Variants in ZNF518A observed in about 807,000 individuals in gnomAD.
ZNF518A encodes zinc finger protein 518.
In ZNF518A, 47 loss-of-function variants were observed where a neutral mutation model predicts 102.7. The ratio of observed to expected loss-of-function variants is 0.46; its 90% CI spans 0.36 to 0.58. ZNF518A has a LOEUF of 0.58. Ranked by LOEUF, ZNF518A falls within the 20% of genes least tolerant of loss-of-function variation. The pLI, the probability that ZNF518A is intolerant of heterozygous loss-of-function variation, is 0.00. For synonymous variants in ZNF518A, 652 were observed against 594.6 expected, an observed-to-expected ratio of 1.10 and a Z score of -1.40; for missense variants, 1,793 against 1,699.8, an observed-to-expected ratio of 1.05 and a Z score of -0.96.
chr10:96,151,372 G>A (rs1564760760), intron 3 of ZNF518A: 1 of 152,250 alleles, frequency 6.6e-6, no homozygotes, highest in African/African-American at 2.4e-5. Flanking sequence ...AGGAAGATTC[G>A]TCTTTGTTCA....
chr10:96,154,250 C>A (rs1259459835), intron 3 of ZNF518A, among the ~76,000 whole-genome samples: 1 of 152,164 alleles, frequency 6.6e-6, no homozygotes, highest in Non-Finnish European at 1.5e-5. Context: ...GGGAGGATCA[C>A]CTGAGCCTGG....
chr10:96,133,955 C>T (rs2081469335), intron 3 of ZNF518A, among the ~76,000 whole-genome samples: 1 of 152,176 alleles, frequency 6.6e-6, no homozygotes. Context: ...TGACTTCCTA[C>T]CACGAGATTC....
upstream of ZNF518A, chr10:96,129,941 G>A (rs2081235007): frequency 6.5e-6 from 1 of 152,700 alleles, no homozygotes; most frequent in Non-Finnish European, 1.5e-5. Context: ...GCCTAGTCTC[G>A]TCAGACCGAG....
chr10:96,182,158 G>T (rs1305537728), intron 1 of ZNF518A, among the ~76,000 whole-genome samples: 2 of 152,192 alleles, frequency 1.3e-5, no homozygotes, highest in African/African-American at 4.8e-5. Context: ...AGGAATGCTT[G>T]TGATTTTTGC....
chr10:96,177,553 A>G (rs587760124), intron 1 of ZNF518A, among the ~76,000 whole-genome samples: 1 of 152,346 alleles, frequency 6.6e-6, no homozygotes, highest in South Asian at 2.1e-4. Flanking sequence ...TGACAACAGT[A>G]GCACAAAGGC....
chr10:96,158,241 A>G lies in ZNF518A; in HGVS notation c.1919A>G (p.His640Arg). The G allele has an allele frequency of 6.2e-7, 1 of 1,613,714 alleles. No homozygotes were observed. Among genetic ancestry groups the G allele is most frequent in the Non-Finnish European group, 8.5e-7 (1 of 1,179,720 alleles). ...ESSNQGSLPFHNYSKVNNSNK... is the reference protein window; with the variant it reads ...ESSNQGSLPFRNYSKVNNSNK... The stretch of plus-strand genomic sequence containing the variant: ...TCCAACCAAGGATCATTACCTTTTC[A>G]TAATTACTCAAAAGTGAATAATTCT... The change falls in exon 6 of 6, where the codon CAT (histidine) becomes CGT (arginine). Residue 640 changes from histidine (H) to arginine (R), a missense_variant. His to Arg is a conservative substitution (Grantham distance 29). Around this residue, in one of 3 missense-constraint regions of ZNF518A, gnomAD observed 1,741 missense variants for 1,622.6 expected, o/e 1.07. Transcript: ENST00000316045.
chr10:96,189,908 C>T, intron 1 of ZNF518A: 1 of 1,013,562 alleles, frequency 9.9e-7, no homozygotes, highest in Non-Finnish European at 1.5e-6. Flanking sequence ...TGGCCCTGAA[C>T]CACACTTCAA....
rs3814228 is a variant in ZNF518A at position 96,159,158 on chromosome 10, A to G, written c.2836A>G (p.Asn946Asp). The change falls in exon 6 of 6, where the codon AAC becomes GAC. Residue 946 changes from asparagine (N) to aspartate (D), a missense_variant. Physicochemically the swap from Asn to Asp is conservative, Grantham distance 23. Around this residue, in one of 3 missense-constraint regions of ZNF518A, gnomAD observed 1,741 missense variants for 1,622.6 expected, o/e 1.07. Coordinates refer to ENST00000316045, the MANE Select transcript of ZNF518A (RefSeq NM_001330736.2). The part of the protein sequence containing the change: ...KGFLIPLNIT[N>D]KPGLPVIPGN... Reference sequence around the variant, plus strand: ...ATTCTTAATACCATTGAACATTACTAACAAGCCTGGGCTACCAGTTATTCC... The same window carrying G: ...ATTCTTAATACCATTGAACATTACTGACAAGCCTGGGCTACCAGTTATTCC... 1 of 1,613,700 alleles carries G rather than the reference A, an allele frequency of 6.2e-7. No homozygotes were observed. Among genetic ancestry groups the G allele is most frequent in the East Asian group, 2.2e-5 (1 of 44,884 alleles).
chr10:96,146,307 T>C (rs2082170471), intron 3 of ZNF518A, among the ~76,000 whole-genome samples: 1 of 152,252 alleles, frequency 6.6e-6, no homozygotes, highest in African/African-American at 2.4e-5. Flanking sequence ...GATGCATTTC[T>C]AGAAGTGAAT....
chr10:96,137,348 G>GAAACA (rs1304662034), intron 3 of ZNF518A, among the ~76,000 whole-genome samples: 3 of 152,068 alleles, frequency 2.0e-5, no homozygotes, highest in Admixed American at 6.5e-5. Flanking sequence ...AAAATAAATT[G>GAAACA]AAACAAAACA....
chr10:96,156,309 T>C lies in ZNF518A; in HGVS notation c.-14T>C, dbSNP rs1364554840. On this transcript the variant is annotated 5_prime_UTR_variant, in exon 6 of 6. Coordinates refer to ENST00000316045, the MANE Select transcript of ZNF518A (RefSeq NM_001330736.2). ...TTTCAGAAAAAAAGAAATTGGGACT[T>C]TTTTGGTTAAATCATGCCATCTGAA... 1.9e-6 allele frequency: 3 copies of C among 1,544,708 alleles called. No individual in the cohort carries two copies. The highest frequency in any genetic ancestry group is 2.6e-6 in the Non-Finnish European group (3 of 1,153,392).
At chr10:96,204,979 T>G (rs2305845), downstream of ZNF518A, 98,288 of 326,106 alleles carry the variant, frequency 0.3, 16,376 homozygotes, top group Non-Finnish European at 0.35. Context: ...CTACTTGCCA[T>G]GTGGCCTCCA....
At chr10:96,147,784 G>T (rs74151272) in intron 3 of ZNF518A, among the ~76,000 whole-genome samples, 83 of 152,092 alleles carry the variant, frequency 5.5e-4, no homozygotes, top group African/African-American at 1.9e-3. Context: ...ATATGCCTGC[G>T]TACCTTACAC....
intron 3 of ZNF518A, among the ~76,000 whole-genome samples, chr10:96,140,688 T>A (rs145580224): frequency 6.6e-6 from 1 of 151,992 alleles, no homozygotes; most frequent in East Asian, 1.9e-4. Flanking sequence ...CTCAGCACTT[T>A]GGGAGGCTGA....
intron 1 of ZNF518A, among the ~76,000 whole-genome samples, chr10:96,196,439 C>T (rs1309454051): frequency 1.3e-5 from 2 of 152,086 alleles, no homozygotes; most frequent in African/African-American, 4.8e-5. Flanking sequence ...TTGCTCCAGG[C>T]CCATAAGCTC....
intron 1 of ZNF518A, among the ~76,000 whole-genome samples, chr10:96,178,799 T>C (rs1554891724): frequency 6.6e-6 from 1 of 152,024 alleles, no homozygotes. Context: ...TAGACTATGT[T>C]ATACAAATAA....
intron 1 of ZNF518A, among the ~76,000 whole-genome samples, chr10:96,175,882 CCTTCCTTCCTTCCTT>C (rs1564801782): frequency 0.024 from 2,490 of 102,892 alleles, 230 homozygotes; most frequent in South Asian, 0.038. Context: ...TCCCTCCCTT[CCTTCCTTCCTTCCTT>C]CCTTCCTTCC....
intron 3 of ZNF518A, among the ~76,000 whole-genome samples, 152 bp from the exon 4 acceptor site, chr10:96,155,174 T>C (rs955954085): frequency 6.6e-6 from 1 of 152,190 alleles, no homozygotes. Flanking sequence ...TATTGTTATG[T>C]CCCATACGTG....
At chr10:96,191,502 C>T (rs1408100320) in intron 1 of ZNF518A, among the ~76,000 whole-genome samples, 1 of 152,024 alleles carries the variant, frequency 6.6e-6, no homozygotes, top group Non-Finnish European at 1.5e-5. Flanking sequence ...CTTGCCTATA[C>T]TTACAGATAT....
Sources: gnomAD v4.1 joint callset for allele counts (sites outside exome capture counted in the v4.1 genomes callset) on GRCh38, gnomAD v4.1.1 for gene constraint, gnomAD v4.1.1 regional missense constraint, MANE v1.5 for transcripts, NCBI Gene and HGNC (gene_info 2026-07-23, HGNC 2026-07-21) for gene names.